CMTM8: variants seen among roughly 807,000 people sequenced by gnomAD.
The protein encoded by CMTM8 is CKLF like MARVEL transmembrane domain containing 8.
Under a neutral mutation model 18.6 loss-of-function variants are expected in CMTM8, and 12 were observed. The observed-to-expected ratio is 0.65, with a 90% confidence interval of 0.41 to 1.05. The LOEUF is 1.05. Ranked by LOEUF, CMTM8 falls within the 50% of genes least tolerant of loss-of-function variation. The pLI is 0.00. For missense variants in CMTM8, 217 were observed against 227.2 expected (o/e 0.95, Z 0.29); for synonymous variants, 87 against 90.6 (o/e 0.96, Z 0.23).
chr3:32,350,744 C>G (rs868233935), intron 1 of CMTM8, among the ~76,000 whole-genome samples: 1 of 152,140 alleles, frequency 6.6e-6, no homozygotes, highest in Non-Finnish European at 1.5e-5. Flanking sequence ...AGGCTGGTCT[C>G]GAACTCCTGA....
At position 32,289,709 on chromosome 3, in the gene CMTM8, G is replaced by A. The variant is rs973367767; in HGVS notation, c.147+50590G>A. ...AAACCTCCAGCAAATACCATACTTAGTGATGAAACATTAGAAGCTTTCTTT... is the reference window on the plus strand; with the variant it reads ...AAACCTCCAGCAAATACCATACTTAATGATGAAACATTAGAAGCTTTCTTT... On this transcript the variant is annotated intron_variant, in intron 1 of 3. Coordinates refer to ENST00000307526, the MANE Select transcript of CMTM8 (RefSeq NM_178868.5). Among the ~76,000 whole-genome samples the A allele has an allele frequency of 2.0e-5, 3 of 152,192 alleles. No homozygotes were observed. The East Asian group carries it at 5.8e-4, about 29-fold the overall frequency.
chr3:32,263,054 T>G (rs531478459), intron 1 of CMTM8, among the ~76,000 whole-genome samples: 3 of 151,526 alleles, frequency 2.0e-5, no homozygotes, highest in Non-Finnish European at 4.4e-5. Context: ...GTGTGAACGA[T>G]GCAGAAGACA....
intron 1 of CMTM8, among the ~76,000 whole-genome samples, chr3:32,305,326 G>A (rs987411957): frequency 1.3e-5 from 2 of 151,466 alleles, no homozygotes; most frequent in African/African-American, 4.9e-5. Context: ...AGCCTCCCGG[G>A]TTCACGCCAT....
intron 1 of CMTM8, among the ~76,000 whole-genome samples, chr3:32,328,625 T>A (rs1696212825): frequency 6.7e-6 from 1 of 149,678 alleles, no homozygotes; most frequent in Non-Finnish European, 1.5e-5. Flanking sequence ...AGCTCAACTA[T>A]GAAAAAACAA....
At chr3:32,281,508 T>C (rs1702610342) in intron 1 of CMTM8, among the ~76,000 whole-genome samples, 1 of 152,190 alleles carries the variant, frequency 6.6e-6, no homozygotes, top group African/African-American at 2.4e-5. Flanking sequence ...CTGGAGATAA[T>C]ATGCTGTGAT....
chr3:32,329,668 C>T (rs1431220764), intron 1 of CMTM8, among the ~76,000 whole-genome samples: 1 of 152,142 alleles, frequency 6.6e-6, no homozygotes, highest in South Asian at 2.1e-4. Flanking sequence ...ATATCATATT[C>T]AGTGGTATAA....
chr3:32,275,666 T>TTTGA (rs144431874), intron 1 of CMTM8, among the ~76,000 whole-genome samples: 1 of 93,388 alleles, frequency 1.1e-5, no homozygotes, highest in Non-Finnish European at 2.1e-5. Context: ...TTTTTTTTTT[T>TTTGA]GGGGACAGAG....
intron 1 of CMTM8, among the ~76,000 whole-genome samples, chr3:32,264,722 A>G (rs1267140386): frequency 6.6e-6 from 1 of 152,222 alleles, no homozygotes; most frequent in Non-Finnish European, 1.5e-5. Context: ...ACATGCAGTG[A>G]CACACATAGG....
intron 1 of CMTM8, among the ~76,000 whole-genome samples, chr3:32,277,001 C>T (rs1488743883): frequency 2.6e-5 from 4 of 151,776 alleles, no homozygotes; most frequent in Non-Finnish European, 4.4e-5. Flanking sequence ...CCTCTTGCCT[C>T]GACCTCCCAA....
chr3:32,281,844 C>T (rs1346457325), intron 1 of CMTM8, among the ~76,000 whole-genome samples: 2 of 151,692 alleles, frequency 1.3e-5, no homozygotes, highest in African/African-American at 2.4e-5. Context: ...CTTTAAATAT[C>T]TTATTTTCTT....
chr3:32,251,862 G>T (rs996331997), intron 1 of CMTM8, among the ~76,000 whole-genome samples: 82 of 151,812 alleles, frequency 5.4e-4, no homozygotes, highest in South Asian at 1.7e-3. Flanking sequence ...GGCTGAGGCA[G>T]GCGGATGGCT....
At chr3:32,350,651 G>A (rs924713423) in intron 1 of CMTM8, among the ~76,000 whole-genome samples, 5 of 152,152 alleles carry the variant, frequency 3.3e-5, no homozygotes, top group Non-Finnish European at 7.4e-5. Flanking sequence ...CTCCCGAGTA[G>A]CTGGGACTAG....
chr3:32,297,237 G>A (rs1702895756), intron 1 of CMTM8, among the ~76,000 whole-genome samples: 1 of 152,128 alleles, frequency 6.6e-6, no homozygotes, highest in Non-Finnish European at 1.5e-5. Flanking sequence ...GGAGTGCAGT[G>A]GTACAATCTC....
In CMTM8 at chr3:32,356,026, G is replaced by A. The variant is rs984679556; in HGVS notation, c.148-1347G>A. 7.9e-5 allele frequency among the ~76,000 whole-genome samples: 12 copies of A among 151,996 alleles called. 1 individual carries two copies. The highest frequency in any genetic ancestry group is 2.2e-4 in the African/African-American group (9 of 41,360). Reference sequence around the variant, plus strand: ...CATAACATTTGCCACAGTTGTAATCGGTCAGGTATTTCCCTCCACTAGACT... The same window carrying A: ...CATAACATTTGCCACAGTTGTAATCAGTCAGGTATTTCCCTCCACTAGACT... On this transcript the variant is annotated intron_variant, in intron 1 of 3. Transcript: ENST00000307526.
At chr3:32,262,797 C>T (rs4473592) in intron 1 of CMTM8, among the ~76,000 whole-genome samples, 141,801 of 152,068 alleles carry the variant, frequency 0.93, 66,549 homozygotes, top group Non-Finnish European at 0.97. Flanking sequence ...TCAGCCGGTC[C>T]AAATATTGTA....
At chr3:32,287,871 A>G (rs1702711136) in intron 1 of CMTM8, among the ~76,000 whole-genome samples, 1 of 152,170 alleles carries the variant, frequency 6.6e-6, no homozygotes, top group Admixed American at 6.5e-5. Context: ...AAGGAAAACC[A>G]CTAAAGAATC....
At chr3:32,277,989 C>A (rs1702545517) in intron 1 of CMTM8, among the ~76,000 whole-genome samples, 1 of 152,178 alleles carries the variant, frequency 6.6e-6, no homozygotes, top group South Asian at 2.1e-4. Context: ...ACAGTCAAAG[C>A]ACTAATTGCC....
At chr3:32,293,859 CTG>C (rs1559371930) in intron 1 of CMTM8, among the ~76,000 whole-genome samples, 3 of 152,116 alleles carry the variant, frequency 2.0e-5, no homozygotes, top group Admixed American at 6.6e-5. Flanking sequence ...AATAAACAAA[CTG>C]TGCTCTGTGA....
At chr3:32,319,180 G>A (rs1248152078) in intron 1 of CMTM8, among the ~76,000 whole-genome samples, 1 of 147,038 alleles carries the variant, frequency 6.8e-6, no homozygotes, top group Non-Finnish European at 1.5e-5. Context: ...TCGGGTTCAA[G>A]GGATTCTCCT....
Sources: gnomAD v4.1 joint callset for allele counts (sites outside exome capture counted in the v4.1 genomes callset) on GRCh38, gnomAD v4.1.1 for gene constraint, MANE v1.5 for transcripts, NCBI Gene and HGNC (gene_info 2026-07-23, HGNC 2026-07-21) for gene names.